Variants in MGST2 observed in about 807,000 individuals in gnomAD.
The protein encoded by MGST2 is glutathione peroxidase MGST2.
MGST2 carries 9 observed loss-of-function variants against 16.6 expected under a neutral mutation model. That is an observed-to-expected ratio of 0.54 (90% CI 0.33 to 0.95). The LOEUF (loss-of-function observed/expected upper bound fraction) is 0.95, where lower values mean the gene tolerates loss of function less well. Among genes scored for constraint, MGST2 ranks in the 40% least tolerant of loss-of-function variants. The pLI is 0.03. For synonymous variants in MGST2, 79 were observed against 68.0 expected (o/e 1.16, Z -0.79); for missense variants, 159 against 175.1 (o/e 0.91, Z 0.52).
At chr4:139,672,556 CCAATCCCAAGCATTTACA>C (rs1730754292) in intron 1 of MGST2, among the ~76,000 whole-genome samples, 1 of 151,948 alleles carries the variant, frequency 6.6e-6, no homozygotes, top group African/African-American at 2.4e-5. Context: ...TGAGAAAACT[CCAATCCCAAGCATTTACA>C]CACTTTTTTT....
chr4:139,742,541 C>G (rs939021175), downstream of MGST2, among the ~76,000 whole-genome samples: 1 of 152,186 alleles, frequency 6.6e-6, no homozygotes, highest in Non-Finnish European at 1.5e-5. Context: ...AAGGTTTGCT[C>G]TTAGTATCGT....
downstream of MGST2, among the ~76,000 whole-genome samples, chr4:139,709,071 A>AATTTTTTTTTT (rs755140695): frequency 3.7e-5 from 3 of 82,026 alleles, no homozygotes; most frequent in African/African-American, 4.7e-5. Context: ...AATGGAAAAA[A>AATTTTTTTTTT]TTTTTTTTTT....
intron 2 of MGST2, among the ~76,000 whole-genome samples, chr4:139,694,654 T>C (rs2110877135): frequency 6.6e-6 from 1 of 152,330 alleles, no homozygotes; most frequent in South Asian, 2.1e-4. Flanking sequence ...CTTTGGAATC[T>C]AGAGATGGAT....
At chr4:139,725,206 A>G (rs544991265) in intron 5 of MGST2, among the ~76,000 whole-genome samples, 1 of 152,336 alleles carries the variant, frequency 6.6e-6, no homozygotes, top group African/African-American at 2.4e-5. Flanking sequence ...GATCAGTTCA[A>G]TCAGCCTCAA....
At chr4:139,702,026 C>A (rs888414968) in intron 3 of MGST2, among the ~76,000 whole-genome samples, 1 of 151,826 alleles carries the variant, frequency 6.6e-6, no homozygotes, top group African/African-American at 2.4e-5. Context: ...TCTAGCATAT[C>A]GCAGTCCCAC....
chr4:139,681,621 T>G (rs1179918152), intron 2 of MGST2, among the ~76,000 whole-genome samples: 1 of 152,234 alleles, frequency 6.6e-6, no homozygotes, highest in Non-Finnish European at 1.5e-5. Flanking sequence ...ATTTCATTGA[T>G]GTAGTTTATT....
chr4:139,708,963 C>A (rs185786078), downstream of MGST2, among the ~76,000 whole-genome samples: 572 of 140,404 alleles, frequency 4.1e-3, 6 homozygotes, highest in African/African-American at 0.015. Context: ...GGCACCACTG[C>A]ACTCCAGCCT....
intron 5 of MGST2, among the ~76,000 whole-genome samples, chr4:139,722,463 CT>C (rs1293380760): frequency 6.6e-6 from 1 of 152,094 alleles, no homozygotes; most frequent in Non-Finnish European, 1.5e-5. Context: ...ATTATGTTTT[CT>C]TTTTCTTTTT....
intron 2 of MGST2, among the ~76,000 whole-genome samples, chr4:139,691,316 T>A (rs1726566727): frequency 6.6e-6 from 1 of 152,190 alleles, no homozygotes; most frequent in Non-Finnish European, 1.5e-5. Context: ...ATAGAATATA[T>A]CTGCCTTCAT....
chr4:139,703,610 G>T (rs1311801202), intron 4 of MGST2, 74 bp downstream of exon 4: 15 of 1,371,990 alleles, frequency 1.1e-5, no homozygotes, highest in Non-Finnish European at 1.6e-5. Context: ...TCCTTCTCCT[G>T]AGAGATATTA....
At position 139,678,602 on chromosome 4, in the gene MGST2, G is replaced by C. The variant is rs764475226; in HGVS notation, c.118G>C (p.Val40Leu). Residue 40 changes from valine to leucine, a missense_variant, in exon 2 of 5, where the codon GTC (valine) becomes CTC (leucine). By Grantham distance (32) the Val-to-Leu change is conservative. Transcript: ENST00000265498. ...AAAATACAAAGTTACGCCCCCAGCA[G>C]TCACTGGGTCACCAGAGTTTGAGAG... ...RLKYKVTPPAVTGSPEFERVF... is the reference protein window; with the variant it reads ...RLKYKVTPPALTGSPEFERVF... 23 of 1,614,120 alleles carry C rather than the reference G, an allele frequency of 1.4e-5. No individual in the cohort carries two copies. The highest frequency in any genetic ancestry group is 1.9e-5 in the Non-Finnish European group (22 of 1,179,968).
rs201857244 is a variant in MGST2, at chr4:139,686,101, C to T, written c.158+7459C>T. The stretch of plus-strand genomic sequence containing the variant: ...TTTTAGGGAGATATGAAACTTCAAT[C>T]AAATACATTTAAGAAATACATTGGT... On this transcript the variant is annotated intron_variant, in intron 2 of 4. Coordinates refer to ENST00000265498, the MANE Select transcript of MGST2 (RefSeq NM_002413.5). 8.5e-5 allele frequency among the ~76,000 whole-genome samples: 13 copies of T among 152,318 alleles called. No individual in the cohort carries two copies. The East Asian group carries it at 2.1e-3, about 25-fold the overall frequency.
chr4:139,739,849 T>C (rs2096418489), intron 5 of MGST2, among the ~76,000 whole-genome samples: 1 of 152,012 alleles, frequency 6.6e-6, no homozygotes, highest in African/African-American at 2.4e-5. Flanking sequence ...ATATTACTTT[T>C]AGTATTATTT....
At chr4:139,678,669 T>C (rs1033216714) in intron 2 of MGST2, 27 bp downstream of exon 2, 2 of 1,540,722 alleles carry the variant, frequency 1.3e-6, no homozygotes, top group East Asian at 4.5e-5. Context: ...CCACCCTTCA[T>C]GGATCTGTGC....
intron 5 of MGST2, among the ~76,000 whole-genome samples, chr4:139,723,242 C>A (rs1278415499): frequency 6.6e-6 from 1 of 152,152 alleles, no homozygotes; most frequent in Non-Finnish European, 1.5e-5. Context: ...TATATAGAAA[C>A]AAAAGAATAG....
chr4:139,708,753 AG>A (rs975473427), downstream of MGST2, among the ~76,000 whole-genome samples: 3 of 152,124 alleles, frequency 2.0e-5, no homozygotes, highest in African/African-American at 7.2e-5. Context: ...CTGTAATCCC[AG>A]CACTTTGGGA....
intron 5 of MGST2, chr4:139,719,181 A>G: frequency 1.1e-6 from 1 of 928,024 alleles, no homozygotes; most frequent in African/African-American, 1.7e-5. Flanking sequence ...TGGCACCTGG[A>G]TCTTCCATTG....
intron 2 of MGST2, among the ~76,000 whole-genome samples, chr4:139,687,278 C>T (rs1474367405): frequency 3.3e-5 from 5 of 152,242 alleles, no homozygotes; most frequent in African/African-American, 1.2e-4. Flanking sequence ...GATGGCTCCA[C>T]TCCATACTTT....
chr4:139,668,747 T>A (rs1474583152), intron 1 of MGST2, among the ~76,000 whole-genome samples: 3 of 152,058 alleles, frequency 2.0e-5, no homozygotes, highest in African/African-American at 7.2e-5. Context: ...GGCTGGGGTA[T>A]GTACAGGTAT....
Sources: allele counts gnomAD v4.1 joint callset (sites outside exome capture counted in the v4.1 genomes callset), GRCh38; gene constraint gnomAD v4.1.1; transcripts MANE v1.5; gene names NCBI Gene and HGNC (gene_info 2026-07-23, HGNC 2026-07-21).